The following KLRD1 variants were observed in gnomAD, a reference collection of about 807,000 sequenced individuals.
KLRD1 encodes the protein killer cell lectin like receptor D1.
KLRD1 carries 21 observed loss-of-function variants against 22.6 expected under a neutral mutation model. The observed-to-expected ratio is 0.93, with a 90% confidence interval of 0.66 to 1.34. The LOEUF (loss-of-function observed/expected upper bound fraction) is 1.34. Among genes scored for constraint, KLRD1 ranks in the 40% most tolerant of loss-of-function variants. The pLI is 0.00. For missense variants in KLRD1, 183 were observed against 208.6 expected (o/e 0.88, Z 0.76); for synonymous variants, 59 against 71.1 (o/e 0.83, Z 0.85).
chr12:10,239,000 T>C (rs945943476), intron 1 of KLRD1, among the ~76,000 whole-genome samples: 1 of 152,146 alleles, frequency 6.6e-6, no homozygotes, highest in Non-Finnish European at 1.5e-5. Flanking sequence ...TCTTACCTTA[T>C]TGTTATTAAG....
At chr12:10,300,768 T>C (rs897444014), upstream of KLRD1, among the ~76,000 whole-genome samples, 3 of 152,254 alleles carry the variant, frequency 2.0e-5, no homozygotes, top group African/African-American at 4.8e-5. Flanking sequence ...ACTAAAAATA[T>C]GTTGTTTAGT....
At chr12:10,267,225 T>G (rs1214235729) in intron 1 of KLRD1, among the ~76,000 whole-genome samples, 1 of 152,154 alleles carries the variant, frequency 6.6e-6, no homozygotes, top group Non-Finnish European at 1.5e-5. Context: ...TACACTTGCA[T>G]TAAAATTGCA....
rs545253263 is a variant in KLRD1 at position 10,248,743 on chromosome 12, G to T, written c.-101+22510G>T. On this transcript the variant is annotated intron_variant, in intron 1 of 5. Transcript: ENST00000544747. Reference sequence around the variant, plus strand: ...CTCCCAAGTAGCTGGGATTACAGGTGCCCGCCACCACACCCGGCTACTTTT... The same window carrying T: ...CTCCCAAGTAGCTGGGATTACAGGTTCCCGCCACCACACCCGGCTACTTTT... Among the ~76,000 whole-genome samples, 128 of 151,594 alleles carry T rather than the reference G, an allele frequency of 8.4e-4. 1 individual carries two copies. The highest frequency in any genetic ancestry group is 2.9e-3 in the African/African-American group (118 of 41,284).
At position 10,328,292 on chromosome 12, in the gene KLRD1, T is replaced by C. The variant is rs374774884; in HGVS notation, c.*13499T>C. 14 of 152,288 alleles carry C rather than the reference T, an allele frequency of 9.2e-5. No homozygotes were observed. The highest frequency in any genetic ancestry group is 3.4e-3 in the Middle Eastern group (1 of 294). The allele number at this position is 152,288 out of a possible 1,614,324, so 9.4% of individuals were successfully genotyped here. ...CAGAAGAGCCATCTTGTCCTGGGAATTTTTTTGTTGTAAGTTTCTTGATTA... is the reference window on the plus strand; with the variant it reads ...CAGAAGAGCCATCTTGTCCTGGGAACTTTTTTGTTGTAAGTTTCTTGATTA... On this transcript the variant is annotated 3_prime_UTR_variant, in exon 6 of 6. Coordinates refer to ENST00000336164, the MANE Select transcript of KLRD1 (RefSeq NM_002262.5).
Position 10,316,852 on chromosome 12 carries a change from G to A in KLRD1, c.*2059G>A, listed in dbSNP as rs1337746124. The A allele has an allele frequency of 6.6e-6, 1 of 152,076 alleles. No individual in the cohort carries two copies. Among genetic ancestry groups the A allele is most frequent in the Admixed American group, 6.6e-5 (1 of 15,266 alleles). The allele number at this position is 152,076 out of a possible 1,614,324, so 9.4% of individuals were successfully genotyped here. ...ACATAGGTATACATGTTCCAAGGTG[G>A]TTTGCTGCACCTATTGACCCATCAT... On this transcript the variant is annotated 3_prime_UTR_variant, in exon 6 of 6. Coordinates refer to ENST00000336164, the MANE Select transcript of KLRD1 (RefSeq NM_002262.5).
chr12:10,268,533 C>T (rs930836209), intron 1 of KLRD1, among the ~76,000 whole-genome samples: 6 of 152,144 alleles, frequency 3.9e-5, no homozygotes, highest in African/African-American at 1.2e-4. Flanking sequence ...ACTTATTGAA[C>T]TGTTCTTTTT....
chr12:10,267,213 A>G (rs913084275), intron 1 of KLRD1, among the ~76,000 whole-genome samples: 1 of 152,030 alleles, frequency 6.6e-6, no homozygotes, highest in Non-Finnish European at 1.5e-5. Flanking sequence ...TTATCATGAA[A>G]ATACACTTGC....
At chr12:10,304,406 C>G (rs1219049943), upstream of KLRD1, 1 of 152,162 alleles carries the variant, frequency 6.6e-6, no homozygotes, top group African/African-American at 2.4e-5. Context: ...CCTCCATAAA[C>G]CCACAGATTC....
intron 1 of KLRD1, among the ~76,000 whole-genome samples, chr12:10,240,845 CT>C (rs1230493943): frequency 1.3e-5 from 2 of 152,076 alleles, no homozygotes; most frequent in Non-Finnish European, 2.9e-5. Context: ...TATCTTTTAC[CT>C]TTGTTTTTGC....
intron 1 of KLRD1, among the ~76,000 whole-genome samples, chr12:10,289,051 T>C (rs575472197): frequency 6.6e-5 from 10 of 152,344 alleles, no homozygotes; most frequent in African/African-American, 2.4e-4. Flanking sequence ...ATACTGACCA[T>C]AGAGCTTTGC....
intron 5 of KLRD1, among the ~76,000 whole-genome samples, chr12:10,313,844 T>G (rs1025567178): frequency 6.6e-6 from 1 of 152,194 alleles, no homozygotes; most frequent in Non-Finnish European, 1.5e-5. Context: ...TGTAGTCACA[T>G]GGACAACAAA....
intron 4 of KLRD1, among the ~76,000 whole-genome samples, chr12:10,312,283 C>T (rs975804633): frequency 1.3e-5 from 2 of 152,088 alleles, no homozygotes; most frequent in Non-Finnish European, 2.9e-5. Flanking sequence ...AACTCCTGAC[C>T]TCGGGTGATC....
At chr12:10,254,380 C>G (rs866643740) in intron 1 of KLRD1, among the ~76,000 whole-genome samples, 5 of 134,902 alleles carry the variant, frequency 3.7e-5, no homozygotes, top group African/African-American at 1.4e-4. Context: ...TGCAGTGAGC[C>G]GAGATCGCGC....
intron 5 of KLRD1, among the ~76,000 whole-genome samples, chr12:10,314,261 TTGTC>T (rs1402334540): frequency 6.6e-6 from 1 of 152,228 alleles, no homozygotes; most frequent in African/African-American, 2.4e-5. Context: ...TATAGACTCA[TTGTC>T]TGTATGTGTG....
At chr12:10,241,538 A>C (rs192101464) in intron 1 of KLRD1, among the ~76,000 whole-genome samples, 75 of 152,258 alleles carry the variant, frequency 4.9e-4, no homozygotes, top group African/African-American at 1.7e-3. Flanking sequence ...GTCCTTGAAA[A>C]TGACATTACT....
intron 1 of KLRD1, among the ~76,000 whole-genome samples, chr12:10,264,175 C>T (rs140703500): frequency 6.6e-6 from 1 of 152,198 alleles, no homozygotes; most frequent in East Asian, 1.9e-4. Flanking sequence ...TTCATTTATG[C>T]TAAACCATTA....
intron 1 of KLRD1, among the ~76,000 whole-genome samples, chr12:10,276,533 C>CT (rs1325582469): frequency 6.6e-6 from 1 of 151,756 alleles, no homozygotes; most frequent in Non-Finnish European, 1.5e-5. Flanking sequence ...TTTTCTTTTT[C>CT]TTTTTTTCTT....
chr12:10,314,636 C>A, intron 5 of KLRD1, 37 bp from the exon 6 acceptor site: 2 of 1,506,992 alleles, frequency 1.3e-6, no homozygotes, highest in Non-Finnish European at 1.8e-6. Context: ...TTCTTACTTC[C>A]TTTTTGTGTA....
At position 10,320,926 on chromosome 12, in the gene KLRD1, G is replaced by T. The variant is rs1224051055; in HGVS notation, c.*6133G>T. The T allele has an allele frequency of 1.3e-5, 2 of 152,180 alleles. No homozygotes were observed. The highest frequency in any genetic ancestry group is 2.4e-5 in the African/African-American group (1 of 41,450). 9.4% of individuals were successfully genotyped at this position (152,180 alleles called of 1,614,324 possible). A position where few individuals can be genotyped will look rare whatever the true frequency, so the allele number is the denominator to read the frequency against. ...GAGAAGATTGAAGAGATTTATGTGT[G>T]CGGTTTTTACAAATAGAGTTCATAG... On this transcript the variant is annotated 3_prime_UTR_variant, in exon 6 of 6. Transcript: ENST00000336164.
Sources: allele counts gnomAD v4.1 joint callset (sites outside exome capture counted in the v4.1 genomes callset), GRCh38; gene constraint gnomAD v4.1.1; transcripts MANE v1.5; gene names NCBI Gene and HGNC (gene_info 2026-07-23, HGNC 2026-07-21).